ACTR3C: variants seen among roughly 807,000 people sequenced by gnomAD.
ACTR3C encodes the protein actin-related protein 3C.
A neutral mutation model predicts 26.3 loss-of-function variants in ACTR3C; 18 were observed. The ratio of observed to expected loss-of-function variants is 0.68; its 90% CI spans 0.47 to 1.01. The LOEUF is 1.01. Ranked by LOEUF, ACTR3C falls within the 50% of genes least tolerant of loss-of-function variation. ACTR3C has a pLI of 0.00. For synonymous variants in ACTR3C, 55 were observed against 94.5 expected (o/e 0.58, Z 2.42); for missense variants, 184 against 250.7 (o/e 0.73, Z 1.80).
the ACTR3C span, among the ~76,000 whole-genome samples, chr7:150,150,579 A>G: frequency 3.0e-5 from 4 of 133,034 alleles, no homozygotes; most frequent in African/African-American, 1.0e-4. Flanking sequence ...ATGTTTGTTA[A>G]TGTGATCCTG....
At chr7:150,189,925 G>A in the ACTR3C span, among the ~76,000 whole-genome samples, 5 of 146,794 alleles carry the variant, frequency 3.4e-5, no homozygotes, top group Middle Eastern at 3.2e-3. Flanking sequence ...ACCCAGGGAC[G>A]AGATGCCTGG....
the ACTR3C span, among the ~76,000 whole-genome samples, chr7:150,094,326 G>A: frequency 2.7e-5 from 4 of 149,238 alleles, no homozygotes; most frequent in East Asian, 1.9e-4. Flanking sequence ...TTGAACAAAG[G>A]CCATCTCAAT....
the ACTR3C span, among the ~76,000 whole-genome samples, chr7:150,088,275 C>T: frequency 1.3e-5 from 2 of 152,198 alleles, no homozygotes; most frequent in Non-Finnish European, 2.9e-5. Flanking sequence ...TAAGTATTGT[C>T]TTCCTTTTCA....
At chr7:149,973,004 T>C in the ACTR3C span, among the ~76,000 whole-genome samples, 1 of 151,636 alleles carries the variant, frequency 6.6e-6, no homozygotes, top group East Asian at 1.9e-4. Flanking sequence ...ATGGGCAGCA[T>C]GTCTGTCCCA....
chr7:149,905,596 C>T, the ACTR3C span, among the ~76,000 whole-genome samples: 25 of 150,492 alleles, frequency 1.7e-4, no homozygotes, highest in South Asian at 4.3e-4. Context: ...AAAGTATCTG[C>T]GAAAAATTCA....
chr7:150,321,576 CT>C (rs1335301645), intron 1 of ACTR3C, among the ~76,000 whole-genome samples: 1 of 152,076 alleles, frequency 6.6e-6, no homozygotes, highest in Non-Finnish European at 1.5e-5. Flanking sequence ...CCCGTCTCTA[CT>C]AAAAATACAA....
At chr7:150,066,009 C>T in the ACTR3C span, among the ~76,000 whole-genome samples, 1 of 152,028 alleles carries the variant, frequency 6.6e-6, no homozygotes, top group Non-Finnish European at 1.5e-5. Context: ...TTGATAATCA[C>T]AAAAGAATAA....
the ACTR3C span, among the ~76,000 whole-genome samples, chr7:150,067,980 TTC>T: frequency 6.6e-6 from 1 of 152,194 alleles, no homozygotes; most frequent in African/African-American, 2.4e-5. Context: ...TGTCAGAATC[TTC>T]TGTTTAAATA....
the ACTR3C span, among the ~76,000 whole-genome samples, chr7:150,083,277 T>G: frequency 5.3e-5 from 8 of 151,766 alleles, no homozygotes; most frequent in South Asian, 1.7e-3. Flanking sequence ...TACAATAAAT[T>G]ATTGTTGACT....
the ACTR3C span, among the ~76,000 whole-genome samples, chr7:149,907,502 C>CTG: frequency 1.2e-4 from 18 of 151,380 alleles, no homozygotes; most frequent in African/African-American, 3.9e-4. Flanking sequence ...CTCTCTCTCT[C>CTG]TCTCTCTCTC....
At chr7:149,962,910 G>T in the ACTR3C span, among the ~76,000 whole-genome samples, 1 of 152,204 alleles carries the variant, frequency 6.6e-6, no homozygotes, top group Non-Finnish European at 1.5e-5. Flanking sequence ...TGCACTGAGT[G>T]GCAGCCCTGT....
At chr7:150,208,428 C>A in the ACTR3C span, among the ~76,000 whole-genome samples, 5 of 152,304 alleles carry the variant, frequency 3.3e-5, no homozygotes, top group South Asian at 1.0e-3. Flanking sequence ...GGTGCCCTGA[C>A]ACTCACACAG....
chr7:150,092,422 G>A, the ACTR3C span, among the ~76,000 whole-genome samples: 4 of 151,358 alleles, frequency 2.6e-5, no homozygotes, highest in Non-Finnish European at 5.9e-5. Flanking sequence ...AGCTGCCCAC[G>A]GGTTCTCTGG....
chr7:150,237,350 G>A, the ACTR3C span, among the ~76,000 whole-genome samples: 1 of 152,294 alleles, frequency 6.6e-6, no homozygotes, highest in Admixed American at 6.5e-5. Context: ...CTGTCTGGGT[G>A]TATGGCAGCC....
the ACTR3C span, among the ~76,000 whole-genome samples, chr7:149,963,938 A>G: frequency 3.2e-3 from 486 of 152,334 alleles, 5 homozygotes; most frequent in African/African-American, 0.011. Flanking sequence ...CATGAATCCA[A>G]CGGACAACGA....
chr7:150,115,649 G>C, the ACTR3C span, among the ~76,000 whole-genome samples: 1 of 152,236 alleles, frequency 6.6e-6, no homozygotes, highest in African/African-American at 2.4e-5. Context: ...AGGCAAAGTA[G>C]TCTTGAAACA....
At chr7:150,046,991 C>T in the ACTR3C span, among the ~76,000 whole-genome samples, 1 of 151,712 alleles carries the variant, frequency 6.6e-6, no homozygotes, top group African/African-American at 2.4e-5. Flanking sequence ...GGCCCTGGGA[C>T]AGAGGGTTGG....
chr7:150,133,352 G>A, the ACTR3C span, among the ~76,000 whole-genome samples: 1 of 152,148 alleles, frequency 6.6e-6, no homozygotes, highest in East Asian at 1.9e-4. Context: ...TAATTCTACG[G>A]GTTGTTGTAA....
the ACTR3C span, among the ~76,000 whole-genome samples, chr7:149,907,345 T>C: frequency 2.9e-5 from 4 of 138,418 alleles, no homozygotes; most frequent in Non-Finnish European, 6.2e-5. Flanking sequence ...ATGGTTCCAC[T>C]CCCAGCCCCA....
Sources: gnomAD v4.1 joint callset for allele counts (sites outside exome capture counted in the v4.1 genomes callset) on GRCh38, gnomAD v4.1.1 for gene constraint, MANE v1.5 for transcripts, NCBI Gene and HGNC (gene_info 2026-07-23, HGNC 2026-07-21) for gene names.